Variants in ST3GAL3 observed in about 807,000 individuals in gnomAD.
ST3GAL3 encodes the protein CMP-N-acetylneuraminate-beta-1,4-galactoside alpha-2,3-sialyltransferase.
A neutral mutation model predicts 50.1 loss-of-function variants in ST3GAL3; 21 were observed. The observed-to-expected ratio is 0.42, with a 90% CI of 0.30 to 0.60. The LOEUF (loss-of-function observed/expected upper bound fraction) is 0.60, where lower values mean the gene tolerates loss of function less well. ST3GAL3 is among the 20% of genes least tolerant of loss of function. The probability of loss-of-function intolerance (pLI) is 0.19; values close to 1 mark genes in which losing one functional copy is unlikely to be tolerated. For synonymous variants in ST3GAL3, 183 were observed against 190.0 expected, an observed-to-expected ratio of 0.96 and a Z score of 0.30; for missense variants, 353 against 489.4, an observed-to-expected ratio of 0.72 and a Z score of 2.63.
In ST3GAL3 at chr1:43,805,947, G is replaced by C. The variant is rs113151965; in HGVS notation, c.167-8944G>C. ...AACGGGGTTTCACCGTGTTGGTCAGGCTGGTCTTTAACTCCTGACCTTGTG... is the reference window on the plus strand; with the variant it reads ...AACGGGGTTTCACCGTGTTGGTCAGCCTGGTCTTTAACTCCTGACCTTGTG... On this transcript the variant is annotated intron_variant, in intron 3 of 11. Transcript: ENST00000347631. Among the ~76,000 whole-genome samples the C allele has an allele frequency of 1.3e-3, 194 of 152,226 alleles. 1 individual carries two copies. The highest frequency in any genetic ancestry group is 4.4e-3 in the African/African-American group (184 of 41,548).
chr1:43,819,638 A>T (rs2061836453), intron 4 of ST3GAL3, among the ~76,000 whole-genome samples: 3 of 129,660 alleles, frequency 2.3e-5, no homozygotes, highest in South Asian at 5.1e-4. Flanking sequence ...ATACTCCTTT[A>T]AAAAAATGGA....
At chr1:43,725,972 G>A (rs937987046) in intron 1 of ST3GAL3, among the ~76,000 whole-genome samples, 3 of 152,040 alleles carry the variant, frequency 2.0e-5, no homozygotes, top group Non-Finnish European at 4.4e-5. Context: ...CATTTAGTAC[G>A]ATACCAAAAG....
At chr1:43,799,935 A>T (rs974720760) in intron 3 of ST3GAL3, among the ~76,000 whole-genome samples, 3 of 152,102 alleles carry the variant, frequency 2.0e-5, no homozygotes, top group African/African-American at 7.2e-5. Context: ...AGCCCTAGAT[A>T]TCTGCTATTT....
chr1:43,818,305 A>G (rs1371559404), intron 4 of ST3GAL3, among the ~76,000 whole-genome samples: 3 of 152,208 alleles, frequency 2.0e-5, no homozygotes, highest in Non-Finnish European at 4.4e-5. Context: ...AAGAACAATT[A>G]CCAAAGTGCT....
At chr1:43,853,153 G>C (rs1285669946) in intron 5 of ST3GAL3, among the ~76,000 whole-genome samples, 1 of 152,090 alleles carries the variant, frequency 6.6e-6, no homozygotes, top group Non-Finnish European at 1.5e-5. Flanking sequence ...TCTTTTAGTT[G>C]GTGGCCAGTA....
intron 2 of ST3GAL3, among the ~76,000 whole-genome samples, chr1:43,750,301 A>C (rs1186424582): frequency 6.6e-6 from 1 of 152,232 alleles, no homozygotes; most frequent in Non-Finnish European, 1.5e-5. Flanking sequence ...TGTTTAGTAC[A>C]TGACTCAGCA....
intron 5 of ST3GAL3, among the ~76,000 whole-genome samples, chr1:43,876,804 C>G (rs2074200251): frequency 6.6e-6 from 1 of 152,130 alleles, no homozygotes. Flanking sequence ...GTGACAGGTC[C>G]CTATCCAGTG....
chr1:43,765,989 A>G (rs1053913904), intron 2 of ST3GAL3, among the ~76,000 whole-genome samples: 1 of 152,142 alleles, frequency 6.6e-6, no homozygotes, highest in African/African-American at 2.4e-5. Context: ...CTGTGCTTGA[A>G]GAAAGAAGCT....
rs750309835 is a variant in ST3GAL3, at chr1:43,899,303, C to T, written c.557+40C>T. 1.2e-6 allele frequency: 2 copies of T among 1,614,088 alleles called. No individual in the cohort carries two copies. Among genetic ancestry groups the T allele is most frequent in the South Asian group, 2.2e-5 (2 of 91,080 alleles). ...ATGGCACCTCGGGTGAGTGTCGTGG[C>T]CCCAACCCTTAGTCCTGAGCCCATT... On this transcript the variant is annotated intron_variant, in intron 8 of 11. Transcript: ENST00000347631. This position sits in a 1 kb window ranked among gnomAD's most constrained non-coding sequence, Gnocchi z 5.4.
chr1:43,835,960 T>C (rs534776323), intron 4 of ST3GAL3, among the ~76,000 whole-genome samples: 1 of 152,334 alleles, frequency 6.6e-6, no homozygotes, highest in South Asian at 2.1e-4. Flanking sequence ...GTCCTGTGCC[T>C]TCCTCCGTGA....
chr1:43,904,838 C>T (rs1393139275), intron 9 of ST3GAL3, among the ~76,000 whole-genome samples: 4 of 150,000 alleles, frequency 2.7e-5, no homozygotes, highest in Non-Finnish European at 4.5e-5. Flanking sequence ...CCTCCTCCTG[C>T]TCCTATTCCT....
At chr1:43,716,009 C>G (rs1248659404) in intron 1 of ST3GAL3, among the ~76,000 whole-genome samples, 1 of 152,160 alleles carries the variant, frequency 6.6e-6, no homozygotes, top group Non-Finnish European at 1.5e-5. Flanking sequence ...ACTTTGAGAA[C>G]TGCTGGTATA....
intron 1 of ST3GAL3, among the ~76,000 whole-genome samples, chr1:43,708,641 T>G (rs567924759): frequency 6.3e-4 from 96 of 152,320 alleles, no homozygotes; most frequent in Non-Finnish European, 1.3e-3. Flanking sequence ...GCACAGAAAT[T>G]TATAGCCAAA....
At chr1:43,763,950 G>T (rs1476102008) in intron 2 of ST3GAL3, among the ~76,000 whole-genome samples, 1 of 152,190 alleles carries the variant, frequency 6.6e-6, no homozygotes, top group Non-Finnish European at 1.5e-5. Flanking sequence ...TTGAGGCTTT[G>T]GAATCCACCC....
At chr1:43,758,316 T>G (rs1688901835) in intron 2 of ST3GAL3, among the ~76,000 whole-genome samples, 1 of 152,144 alleles carries the variant, frequency 6.6e-6, no homozygotes, top group Non-Finnish European at 1.5e-5. Flanking sequence ...AGTGGTGCAA[T>G]TATAGTTCAC....
At chr1:43,842,068 T>C (rs2065471058) in intron 5 of ST3GAL3, 1 of 152,228 alleles carries the variant, frequency 6.6e-6, no homozygotes, top group African/African-American at 2.4e-5. Flanking sequence ...AGGCATAACA[T>C]GTTATGACCT....
intron 4 of ST3GAL3, chr1:43,824,638 T>C: frequency 1.3e-6 from 2 of 1,499,126 alleles, no homozygotes; most frequent in Non-Finnish European, 1.9e-6. Flanking sequence ...TCATGACATC[T>C]AGCATTTTTC....
intron 2 of ST3GAL3, among the ~76,000 whole-genome samples, chr1:43,783,749 G>T (rs1180781384): frequency 6.6e-6 from 1 of 151,754 alleles, no homozygotes; most frequent in African/African-American, 2.4e-5. Context: ...CCCACCCCCC[G>T]CAGTCTTAGA....
chr1:43,886,952 A>G (rs1037334455), intron 5 of ST3GAL3, among the ~76,000 whole-genome samples: 4 of 152,348 alleles, frequency 2.6e-5, no homozygotes, highest in East Asian at 1.9e-4. Context: ...AGAAAGATCT[A>G]CTTTGGTGTC....
Sources: allele counts gnomAD v4.1 joint callset (sites outside exome capture counted in the v4.1 genomes callset), GRCh38; gene constraint gnomAD v4.1.1; non-coding constraint Gnocchi (gnomAD v3.1); transcripts MANE v1.5; gene names NCBI Gene and HGNC (gene_info 2026-07-23, HGNC 2026-07-21).